Variants in COMMD7 observed in about 807,000 individuals in gnomAD.
COMMD7 encodes COMM domain-containing protein 7.
A neutral mutation model predicts 34.8 loss-of-function variants in COMMD7; 28 were observed. The ratio of observed to expected loss-of-function variants is 0.80; its 90% CI spans 0.60 to 1.10. COMMD7 has a LOEUF of 1.10. COMMD7 is among the 50% of genes least tolerant of loss of function. COMMD7 has a pLI of 0.00. For missense variants in COMMD7, 211 were observed against 241.6 expected (o/e 0.87, Z 0.84); for synonymous variants, 80 against 86.4 (o/e 0.93, Z 0.41).
At chr20:32,743,237 T>TGGCC in intron 1 of COMMD7, 71 bp downstream of exon 1, 1 of 526,960 alleles carries the variant, frequency 1.9e-6, no homozygotes, top group Non-Finnish European at 3.1e-6. Context: ...CCCCCGGACG[T>TGGCC]CCCCCCCACC....
intron 1 of COMMD7, among the ~76,000 whole-genome samples, chr20:32,740,495 C>T (rs756787905): frequency 2.0e-5 from 3 of 151,632 alleles, no homozygotes; most frequent in Non-Finnish European, 4.4e-5. Flanking sequence ...CAATGATGGA[C>T]CATATATAAA....
At chr20:32,705,086 C>T (rs1983985222) in intron 5 of COMMD7, among the ~76,000 whole-genome samples, 182 bp from the exon 6 acceptor site, 1 of 151,900 alleles carries the variant, frequency 6.6e-6, no homozygotes. Flanking sequence ...GAGGAGGGCA[C>T]AGAGTGGCAG....
intron 3 of COMMD7, among the ~76,000 whole-genome samples, chr20:32,716,196 C>T (rs1984764624): frequency 6.6e-6 from 1 of 152,130 alleles, no homozygotes; most frequent in South Asian, 2.1e-4. Context: ...TTAATACTGA[C>T]CTTGTATTTT....
In COMMD7 at chr20:32,703,114, G is replaced by A. The variant is rs116401459; in HGVS notation, c.*268C>T. The A allele has an allele frequency of 1.6e-3, 530 of 331,896 alleles. No homozygotes were observed. The highest frequency in any genetic ancestry group is 0.01 in the African/African-American group (489 of 47,126). The allele number at this position is 331,896 out of a possible 1,614,324, so 20.6% of individuals were successfully genotyped here. A position where few individuals can be genotyped will look rare whatever the true frequency, so the allele number is the denominator to read the frequency against. ...TTATTTTCTCCCCTGAATCTGAGAT[G>A]CAGTGGCCTGTCAGAGTATCTAAAA... On this transcript the variant is annotated 3_prime_UTR_variant, in exon 9 of 9. Coordinates refer to ENST00000278980, the MANE Select transcript of COMMD7 (RefSeq NM_053041.3).
At chr20:32,733,255 G>A (rs962933804) in intron 1 of COMMD7, among the ~76,000 whole-genome samples, 1 of 151,886 alleles carries the variant, frequency 6.6e-6, no homozygotes, top group African/African-American at 2.4e-5. Flanking sequence ...ATTGAAGGGA[G>A]AAAATAGGAT....
At position 32,719,099 on chromosome 20, in the gene COMMD7, C is replaced by A. The variant is rs73906030; in HGVS notation, c.241+8794G>T. ...TGAGGGCCTGGAGGCTCTTACGTTG[C>A]AGATTAGATTAGGAAAGGCCTTGAA... On this transcript the variant is annotated intron_variant, in intron 3 of 8. Coordinates refer to ENST00000278980, the MANE Select transcript of COMMD7 (RefSeq NM_053041.3). Among the ~76,000 whole-genome samples, 315 of 152,256 alleles carry A rather than the reference C, an allele frequency of 2.1e-3. 1 individual carries two copies. Among genetic ancestry groups the A allele is most frequent in the African/African-American group, 7.1e-3 (296 of 41,544 alleles).
intron 5 of COMMD7, among the ~76,000 whole-genome samples, 179 bp from the exon 6 acceptor site, chr20:32,705,083 G>A (rs1215033657): frequency 1.3e-5 from 2 of 151,938 alleles, no homozygotes; most frequent in Non-Finnish European, 2.9e-5. Flanking sequence ...ATGGAGGAGG[G>A]CACAGAGTGG....
intron 1 of COMMD7, among the ~76,000 whole-genome samples, chr20:32,731,716 C>T (rs1985852751): frequency 6.6e-6 from 1 of 152,196 alleles, no homozygotes; most frequent in Admixed American, 6.5e-5. Flanking sequence ...AACTTAAATA[C>T]TGTAAGTGCA....
chr20:32,723,020 AAAAT>A, intron 3 of COMMD7, among the ~76,000 whole-genome samples: 1 of 75,864 alleles, frequency 1.3e-5, no homozygotes, highest in Middle Eastern at 8.8e-3. Context: ...CTCCATCTCA[AAAAT>A]AAATAAATAA....
At position 32,741,720 on chromosome 20, in the gene COMMD7, C is replaced by G. The variant is rs143186801; in HGVS notation, c.84+1588G>C. Among the ~76,000 whole-genome samples, 98 of 152,200 alleles carry G rather than the reference C, an allele frequency of 6.4e-4. 3 individuals are homozygous for G. In the East Asian group the frequency reaches 0.018, roughly 28 times the overall value. On this transcript the variant is annotated intron_variant, in intron 1 of 8. Coordinates refer to ENST00000278980, the MANE Select transcript of COMMD7 (RefSeq NM_053041.3). ...TCTTTTATACTGTATTTGTACTGTA[C>G]CTTTTCTATTTAGATTTGTCTAAAC...
rs530521255 is a variant in COMMD7 at position 32,739,158 on chromosome 20, G to A, written c.84+4150C>T. 2.6e-5 allele frequency among the ~76,000 whole-genome samples: 4 copies of A among 152,054 alleles called. No individual in the cohort carries two copies. The East Asian group carries it at 5.8e-4, about 22-fold the overall frequency. On this transcript the variant is annotated intron_variant, in intron 1 of 8. Coordinates refer to ENST00000278980, the MANE Select transcript of COMMD7 (RefSeq NM_053041.3). ...CACTGCTCTGTGATTCAGTTTCTTC[G>A]TCTGTAAAATGTGAATAATAATAAG... is the stretch of plus-strand genomic sequence containing the variant.
chr20:32,714,062 G>A lies in COMMD7; in HGVS notation c.242-7302C>T, dbSNP rs565177074. Among the ~76,000 whole-genome samples, 267 of 152,210 alleles carry A rather than the reference G, an allele frequency of 1.8e-3. 1 individual carries two copies. Among genetic ancestry groups the A allele is most frequent in the South Asian group, 7.1e-3 (34 of 4,816 alleles). The stretch of plus-strand genomic sequence containing the variant: ...CAGGAGGTGGAGGCTGCAGTGAGCC[G>A]AGATCGTGCCACTGCACTCCAGCCT... On this transcript the variant is annotated intron_variant, in intron 3 of 8. Transcript: ENST00000278980.
chr20:32,723,074 G>GGTTCTGC (rs1600988681), intron 3 of COMMD7, among the ~76,000 whole-genome samples: 16 of 35,730 alleles, frequency 4.5e-4, no homozygotes, highest in East Asian at 7.1e-4. Context: ...AAAGACTTGT[G>GGTTCTGC]ATCCTCTCCC....
intron 3 of COMMD7, among the ~76,000 whole-genome samples, chr20:32,720,549 C>T (rs2145743892): frequency 6.6e-6 from 1 of 152,242 alleles, no homozygotes; most frequent in Middle Eastern, 3.4e-3. Flanking sequence ...GTGGTTCATG[C>T]CTGTAATCCC....
At position 32,740,106 on chromosome 20, in the gene COMMD7, A is replaced by G. The variant is rs1344691759; in HGVS notation, c.84+3202T>C. On this transcript the variant is annotated intron_variant, in intron 1 of 8. Coordinates refer to ENST00000278980, the MANE Select transcript of COMMD7 (RefSeq NM_053041.3). ...GCCGAGGTGGGCAGATCATGAAGTCAGGAGATCGAGACCATCCTGGCTAAC... is the reference window on the plus strand; with the variant it reads ...GCCGAGGTGGGCAGATCATGAAGTCGGGAGATCGAGACCATCCTGGCTAAC... Among the ~76,000 whole-genome samples the G allele has an allele frequency of 1.4e-5, 2 of 142,190 alleles. 1 individual carries two copies. The highest frequency in any genetic ancestry group is 3.1e-5 in the Non-Finnish European group (2 of 65,406). 93.3% of individuals were successfully genotyped at this position (142,190 alleles called of 152,430 possible).
chr20:32,717,750 T>C (rs1600980869), intron 3 of COMMD7, among the ~76,000 whole-genome samples: 1 of 152,016 alleles, frequency 6.6e-6, no homozygotes, highest in African/African-American at 2.4e-5. Flanking sequence ...GCATGAGTCA[T>C]TGTGCCTGGC....
At position 32,703,280 on chromosome 20, in the gene COMMD7, T is replaced by C. The variant is rs562334971; in HGVS notation, c.*102A>G. 3.1e-5 allele frequency: 33 copies of C among 1,048,980 alleles called. No homozygotes were observed. The highest frequency in any genetic ancestry group is 4.8e-5 in the Admixed American group (2 of 42,102). The allele number at this position is 1,048,980 out of a possible 1,614,324, so 65.0% of individuals were successfully genotyped here. ...GCCCCATGGAGCCAGCAGGGCCCCATGGAGCATCCCACAGGCCTGTGAGTG... is the reference window on the plus strand; with the variant it reads ...GCCCCATGGAGCCAGCAGGGCCCCACGGAGCATCCCACAGGCCTGTGAGTG... On this transcript the variant is annotated 3_prime_UTR_variant, in exon 9 of 9. Transcript: ENST00000278980.
Position 32,703,346 on chromosome 20 carries a change from C to T in COMMD7, c.*36G>A. 9 of 1,586,318 alleles carry T rather than the reference C, an allele frequency of 5.7e-6. No homozygotes were observed. Among genetic ancestry groups the T allele is most frequent in the Non-Finnish European group, 7.8e-6 (9 of 1,158,060 alleles). ...CAGTCACCCAGGGAAGGGAGGAGGGCAGGGAACGGGGCCAGGGGAGATGCA... is the reference window on the plus strand; with the variant it reads ...CAGTCACCCAGGGAAGGGAGGAGGGTAGGGAACGGGGCCAGGGGAGATGCA... On this transcript the variant is annotated 3_prime_UTR_variant, in exon 9 of 9. Coordinates refer to ENST00000278980, the MANE Select transcript of COMMD7 (RefSeq NM_053041.3).
chr20:32,720,159 T>C (rs929427185), intron 3 of COMMD7, among the ~76,000 whole-genome samples: 11 of 152,196 alleles, frequency 7.2e-5, no homozygotes, highest in Non-Finnish European at 1.0e-4. Flanking sequence ...ATCTCTTCAC[T>C]GGTATGCTGA....
Sources: gnomAD v4.1 joint callset for allele counts (sites outside exome capture counted in the v4.1 genomes callset) on GRCh38, gnomAD v4.1.1 for gene constraint, MANE v1.5 for transcripts, NCBI Gene and HGNC (gene_info 2026-07-23, HGNC 2026-07-21) for gene names.